TMEM178B: variants seen among roughly 807,000 people sequenced by gnomAD.
TMEM178B encodes transmembrane protein 178B.
In TMEM178B, 5 loss-of-function variants were observed where a neutral mutation model predicts 31.0. The ratio of observed to expected loss-of-function variants is 0.16; its 90% CI spans 0.08 to 0.34. The LOEUF (loss-of-function observed/expected upper bound fraction) is 0.34, where lower values mean the gene tolerates loss of function less well. Ranked by LOEUF, TMEM178B falls within the 10% of genes least tolerant of loss-of-function variation. TMEM178B has a pLI of 1.00. For synonymous variants in TMEM178B, 164 were observed against 164.0 expected (o/e 1.00, Z 0.00); for missense variants, 275 against 400.3 (o/e 0.69, Z 2.67).
At chr7:141,338,876 C>G (rs1160073776) in intron 2 of TMEM178B, among the ~76,000 whole-genome samples, 2 of 152,168 alleles carry the variant, frequency 1.3e-5, no homozygotes, top group Admixed American at 6.5e-5. Context: ...GCCTTAAAAG[C>G]TTGCTCTAGG....
chr7:141,430,130 G>T (rs571853722), intron 2 of TMEM178B: 1 of 152,182 alleles, frequency 6.6e-6, no homozygotes. Flanking sequence ...CAGCTCCCTG[G>T]GGTGGATGCA....
chr7:141,294,686 G>C (rs1243180347), intron 2 of TMEM178B, among the ~76,000 whole-genome samples: 1 of 152,116 alleles, frequency 6.6e-6, no homozygotes, highest in African/African-American at 2.4e-5. Flanking sequence ...TTGGTTTCAG[G>C]GGGCAGGGAT....
intron 2 of TMEM178B, among the ~76,000 whole-genome samples, chr7:141,297,849 T>C (rs1323488818): frequency 6.6e-6 from 1 of 152,252 alleles, no homozygotes; most frequent in Non-Finnish European, 1.5e-5. Context: ...CAGCATGATT[T>C]ATAATCCTTT....
chr7:141,088,273 C>A (rs993867171), intron 1 of TMEM178B, among the ~76,000 whole-genome samples: 1 of 151,940 alleles, frequency 6.6e-6, no homozygotes, highest in Middle Eastern at 3.2e-3. Flanking sequence ...GCTTTCTTTC[C>A]TTCCTCGTGT....
At chr7:141,393,551 G>T (rs920330670) in intron 2 of TMEM178B, among the ~76,000 whole-genome samples, 1 of 152,224 alleles carries the variant, frequency 6.6e-6, no homozygotes, top group Non-Finnish European at 1.5e-5. Context: ...GACACCATGA[G>T]ATCAGAGCTC....
chr7:141,408,165 A>G (rs1800918140), intron 2 of TMEM178B, among the ~76,000 whole-genome samples: 1 of 152,056 alleles, frequency 6.6e-6, no homozygotes, highest in Non-Finnish European at 1.5e-5. Flanking sequence ...GCTAGTTGTC[A>G]GCAGCACCAG....
chr7:141,455,952 G>C (rs1017171326), intron 3 of TMEM178B, among the ~76,000 whole-genome samples: 1 of 152,232 alleles, frequency 6.6e-6, no homozygotes, highest in African/African-American at 2.4e-5. Flanking sequence ...GAATCAGATA[G>C]GGCAGAAGCC....
intron 3 of TMEM178B, among the ~76,000 whole-genome samples, chr7:141,438,170 A>T (rs114169968): frequency 6.6e-6 from 1 of 152,106 alleles, no homozygotes; most frequent in Non-Finnish European, 1.5e-5. Context: ...CCAAAAGTCT[A>T]TCTTCACCTC....
At chr7:141,421,614 G>A (rs1365009598) in intron 2 of TMEM178B, among the ~76,000 whole-genome samples, 1 of 152,066 alleles carries the variant, frequency 6.6e-6, no homozygotes, top group African/African-American at 2.4e-5. Flanking sequence ...TGATCTCATG[G>A]GTAAAAGGGA....
chr7:141,282,443 G>T (rs772902914), intron 2 of TMEM178B, among the ~76,000 whole-genome samples: 3 of 152,190 alleles, frequency 2.0e-5, no homozygotes, highest in Non-Finnish European at 4.4e-5. Context: ...TAAGCCACCT[G>T]CCTATAATCA....
intron 1 of TMEM178B, among the ~76,000 whole-genome samples, chr7:141,111,255 T>A (rs1415626812): frequency 1.3e-5 from 2 of 152,068 alleles, no homozygotes; most frequent in Non-Finnish European, 2.9e-5. Context: ...TTTAAAACCA[T>A]CAGATTTCAT....
intron 2 of TMEM178B, among the ~76,000 whole-genome samples, chr7:141,216,811 T>C (rs1196783612): frequency 1.3e-5 from 2 of 152,084 alleles, no homozygotes; most frequent in Admixed American, 6.6e-5. Flanking sequence ...CCAGCAGCCC[T>C]GGGTGGGCTG....
chr7:141,507,854 G>A, the TMEM178B span, among the ~76,000 whole-genome samples: 1 of 152,192 alleles, frequency 6.6e-6, no homozygotes, highest in Non-Finnish European at 1.5e-5. Context: ...CAGGCACACT[G>A]GATCTGGCCC....
At chr7:141,194,068 C>A (rs1381265667) in intron 1 of TMEM178B, among the ~76,000 whole-genome samples, 1 of 152,178 alleles carries the variant, frequency 6.6e-6, no homozygotes, top group Admixed American at 6.5e-5. Flanking sequence ...TTACCTCCCC[C>A]TGGGGCCCTC....
intron 2 of TMEM178B, among the ~76,000 whole-genome samples, chr7:141,221,931 C>G (rs1206308804): frequency 6.6e-6 from 1 of 152,224 alleles, no homozygotes; most frequent in African/African-American, 2.4e-5. Context: ...CCCAGCCTAA[C>G]CTACTGAGTC....
the TMEM178B span, among the ~76,000 whole-genome samples, chr7:141,506,161 G>T: frequency 1.3e-5 from 2 of 152,208 alleles, no homozygotes; most frequent in Admixed American, 1.3e-4. Flanking sequence ...CTCAATCTCT[G>T]CTCTGCCACT....
At chr7:141,448,214 G>T (rs902174516) in intron 3 of TMEM178B, among the ~76,000 whole-genome samples, 6 of 152,020 alleles carry the variant, frequency 3.9e-5, no homozygotes, top group Admixed American at 3.9e-4. Context: ...TAAGACAATT[G>T]CTTTCTGTGA....
intron 3 of TMEM178B, among the ~76,000 whole-genome samples, chr7:141,467,336 C>T (rs1802163096): frequency 6.6e-6 from 1 of 152,180 alleles, no homozygotes; most frequent in Non-Finnish European, 1.5e-5. Context: ...GCACTACACA[C>T]ACACATCACA....
At chr7:141,264,518 G>T (rs1359785084) in intron 2 of TMEM178B, among the ~76,000 whole-genome samples, 1 of 152,212 alleles carries the variant, frequency 6.6e-6, no homozygotes, top group African/African-American at 2.4e-5. Flanking sequence ...GGAAGTGACT[G>T]TAGCTGGCAA....
Sources: gnomAD v4.1 joint callset for allele counts (sites outside exome capture counted in the v4.1 genomes callset) on GRCh38, gnomAD v4.1.1 for gene constraint, MANE v1.5 for transcripts, NCBI Gene and HGNC (gene_info 2026-07-23, HGNC 2026-07-21) for gene names.